Variants in EVC2 observed in about 807,000 individuals in gnomAD.
EVC2 encodes the protein limbin.
In EVC2, 148 loss-of-function variants were observed where a neutral mutation model predicts 149.3. The ratio of observed to expected loss-of-function variants is 0.99; its 90% CI spans 0.87 to 1.14. EVC2 has a LOEUF of 1.14. Among genes scored for constraint, EVC2 ranks in the 50% most tolerant of loss-of-function variants. The probability of loss-of-function intolerance (pLI) is 0.00; values close to 1 mark genes in which losing one functional copy is unlikely to be tolerated. For missense variants in EVC2, 1,854 were observed against 1,627.3 expected (o/e 1.14, Z -2.40); for synonymous variants, 776 against 649.9 (o/e 1.19, Z -2.95).
At chr4:5,650,638 T>C (rs5855865) in intron 9 of EVC2, among the ~76,000 whole-genome samples, 1 of 45,102 alleles carries the variant, frequency 2.2e-5, no homozygotes, top group African/African-American at 8.9e-5. Flanking sequence ...TATATATATA[T>C]AGAGAGAGAG....
intron 16 of EVC2, among the ~76,000 whole-genome samples, chr4:5,598,138 AC>A (rs1313838277): frequency 8.6e-5 from 13 of 151,484 alleles, no homozygotes; most frequent in African/African-American, 3.1e-4. Flanking sequence ...AAATGGCCAT[AC>A]TGCCCAAGGT....
intron 19 of EVC2, among the ~76,000 whole-genome samples, chr4:5,572,300 A>G (rs1490717060): frequency 4.6e-5 from 7 of 152,184 alleles, no homozygotes; most frequent in Admixed American, 1.3e-4. Flanking sequence ...TATTGTTTGA[A>G]CATTTGTGTC....
chr4:5,562,556 C>A lies in EVC2; in HGVS notation c.*292G>T. 2 of 1,312,978 alleles carry A rather than the reference C, an allele frequency of 1.5e-6. No homozygotes were observed. The highest frequency in any genetic ancestry group is 1.9e-6 in the Non-Finnish European group (2 of 1,026,054). 81.3% of individuals were successfully genotyped at this position (1,312,978 alleles called of 1,614,324 possible). A position where few individuals can be genotyped will look rare whatever the true frequency, so the allele number is the denominator to read the frequency against. ...ACCACACAGACCATAGCTTCTGCAG[C>A]AGAGGATGGGGTGTGGATTGCAGGG... On this transcript the variant is annotated 3_prime_UTR_variant, in exon 22 of 22. Transcript: ENST00000344408. This position sits in a 1 kb window ranked among gnomAD's most constrained non-coding sequence, Gnocchi z 4.3.
the EVC2 span, among the ~76,000 whole-genome samples, chr4:5,529,582 AT>A: frequency 6.6e-6 from 1 of 152,214 alleles, no homozygotes; most frequent in African/African-American, 2.4e-5. The surrounding 1 kb of genome is among the most constrained non-coding windows in gnomAD (Gnocchi z 4.5). Flanking sequence ...ATCTTAAAAC[AT>A]CCTCTCACTT....
chr4:5,562,983 A>G lies in EVC2; in HGVS notation c.3792T>C (p.Asp1264=). ...PVPIVGAETI[D]LLNTGEKLFI... is the part of the protein sequence containing the mutation. The stretch of plus-strand genomic sequence containing the variant: ...AGAGCTTCTCTCCTGTGTTTAATAG[A>G]TCAATGGTTTCTGCCCCTACAATGG... The change falls in exon 22 of 22, where the codon GAT becomes GAC. Residue 1264 remains aspartate, a synonymous_variant. Coordinates refer to ENST00000344408, the MANE Select transcript of EVC2 (RefSeq NM_147127.5). The surrounding 1 kb of genome is among the most constrained non-coding windows in gnomAD (Gnocchi z 4.3). 6.2e-7 allele frequency: 1 copy of G among 1,614,148 alleles called. No homozygotes were observed. Among genetic ancestry groups the G allele is most frequent in the South Asian group, 1.1e-5 (1 of 91,076 alleles).
At chr4:5,536,642 G>T in the EVC2 span, among the ~76,000 whole-genome samples, 6 of 152,078 alleles carry the variant, frequency 3.9e-5, no homozygotes, top group South Asian at 1.0e-3. Flanking sequence ...AAATTAGCTG[G>T]GCATGGTGGC....
chr4:5,531,545 T>C, the EVC2 span, among the ~76,000 whole-genome samples: 2 of 152,182 alleles, frequency 1.3e-5, no homozygotes, highest in African/African-American at 4.8e-5. Flanking sequence ...CTCGCATTAC[T>C]GTGTGAGCTC....
chr4:5,682,851 C>T (rs937863456), intron 6 of EVC2, among the ~76,000 whole-genome samples: 22 of 149,088 alleles, frequency 1.5e-4, no homozygotes, highest in African/African-American at 5.2e-4. Context: ...AGGAGTGAAA[C>T]GCTGTCTCAA....
chr4:5,547,791 G>C (rs1022746257), intron 21 of EVC2, among the ~76,000 whole-genome samples: 10 of 152,118 alleles, frequency 6.6e-5, no homozygotes, highest in African/African-American at 2.2e-4. Flanking sequence ...ACACAAACAG[G>C]GCTGAAACAT....
rs1015736248 is a variant in EVC2, at chr4:5,567,441, G to T, written c.3557+1003C>A. Among the ~76,000 whole-genome samples the T allele has an allele frequency of 7.2e-5, 11 of 152,144 alleles. No individual in the cohort carries two copies. Among genetic ancestry groups the T allele is most frequent in the Non-Finnish European group, 1.0e-4 (7 of 68,034 alleles). ...CTACACAGTCATGATGGTTCAGCAG[G>T]CTCTCGGGCTCCCAGATGCCCTCCT... On this transcript the variant is annotated intron_variant, in intron 20 of 21. Coordinates refer to ENST00000344408, the MANE Select transcript of EVC2 (RefSeq NM_147127.5). The surrounding 1 kb of genome is among the most constrained non-coding windows in gnomAD (Gnocchi z 4.4).
At position 5,633,204 on chromosome 4, in the gene EVC2, A is replaced by G. The variant is rs1183551774; in HGVS notation, c.1471-1172T>C. ...TAGGAGCTGAGGGCCTCAGTCTTGTACCCACAAAGAAGTGAGTTCTGCAAA... is the reference window on the plus strand; with the variant it reads ...TAGGAGCTGAGGGCCTCAGTCTTGTGCCCACAAAGAAGTGAGTTCTGCAAA... On this transcript the variant is annotated intron_variant, in intron 10 of 21. Coordinates refer to ENST00000344408, the MANE Select transcript of EVC2 (RefSeq NM_147127.5). The surrounding 1 kb of genome is among the most constrained non-coding windows in gnomAD (Gnocchi z 4.4). Among the ~76,000 whole-genome samples the G allele has an allele frequency of 6.6e-6, 1 of 152,134 alleles. No homozygotes were observed. Among genetic ancestry groups the G allele is most frequent in the East Asian group, 1.9e-4 (1 of 5,186 alleles).
chr4:5,652,616 G>C (rs1296908788), intron 9 of EVC2, among the ~76,000 whole-genome samples: 1 of 152,164 alleles, frequency 6.6e-6, no homozygotes, highest in Admixed American at 6.5e-5. Flanking sequence ...CAAGGGCTTG[G>C]AGCTGCTGGT....
At chr4:5,650,638 T>TATATATATATATAGAG (rs1162935817) in intron 9 of EVC2, among the ~76,000 whole-genome samples, 2 of 45,102 alleles carry the variant, frequency 4.4e-5, no homozygotes, top group Non-Finnish European at 8.0e-5. Flanking sequence ...TATATATATA[T>TATATATATATATAGAG]AGAGAGAGAG....
chr4:5,597,269 G>C (rs1713523414), intron 16 of EVC2, among the ~76,000 whole-genome samples: 2 of 152,130 alleles, frequency 1.3e-5, no homozygotes, highest in Non-Finnish European at 2.9e-5. Context: ...AACCAAAAAA[G>C]AGAATTTTAG....
intron 16 of EVC2, among the ~76,000 whole-genome samples, chr4:5,602,254 C>T (rs938225906): frequency 4.9e-5 from 7 of 143,116 alleles, no homozygotes; most frequent in Non-Finnish European, 1.0e-4. Context: ...TGTGCCACTG[C>T]ACTCAACCCT....
intron 16 of EVC2, among the ~76,000 whole-genome samples, chr4:5,602,883 G>C (rs946582363): frequency 3.9e-5 from 6 of 152,274 alleles, no homozygotes; most frequent in African/African-American, 1.4e-4. Flanking sequence ...ATGCTATTTA[G>C]AGTTATGGAG....
intron 9 of EVC2, among the ~76,000 whole-genome samples, chr4:5,645,908 A>T (rs1717677781): frequency 6.6e-6 from 1 of 152,138 alleles, no homozygotes; most frequent in African/African-American, 2.4e-5. Context: ...TTTGCTCCAC[A>T]ACCTCACCAA....
chr4:5,541,201 T>C (rs1310931222), downstream of EVC2, among the ~76,000 whole-genome samples: 2 of 152,192 alleles, frequency 1.3e-5, no homozygotes, highest in Admixed American at 6.5e-5. Flanking sequence ...TCTGCATTCA[T>C]TCCACAACTA....
At chr4:5,655,961 C>T (rs1718495509) in intron 9 of EVC2, among the ~76,000 whole-genome samples, 1 of 152,162 alleles carries the variant, frequency 6.6e-6, no homozygotes, top group South Asian at 2.1e-4. Context: ...ATTTCATGAG[C>T]ATCTGCCATG....
Sources: allele counts gnomAD v4.1 joint callset (sites outside exome capture counted in the v4.1 genomes callset), GRCh38; gene constraint gnomAD v4.1.1; non-coding constraint Gnocchi (gnomAD v3.1); transcripts MANE v1.5; gene names NCBI Gene and HGNC (gene_info 2026-07-23, HGNC 2026-07-21).